The following LRRTM4 variants were observed in gnomAD, a reference collection of about 807,000 sequenced individuals.
LRRTM4 encodes the protein leucine rich repeat transmembrane neuronal 4.
LRRTM4 carries 25 observed loss-of-function variants against 47.6 expected under a neutral mutation model. That is an observed-to-expected ratio of 0.53 (90% CI 0.38 to 0.73). LRRTM4 has a LOEUF of 0.73. LRRTM4 is among the 30% of genes least tolerant of loss of function. The pLI is 0.00. For synonymous variants in LRRTM4, 311 were observed against 269.5 expected (o/e 1.15, Z -1.51); for missense variants, 638 against 713.4 (o/e 0.89, Z 1.20).
chr2:77,122,327 T>C (rs1339715492), intron 3 of LRRTM4, among the ~76,000 whole-genome samples: 1 of 151,546 alleles, frequency 6.6e-6, no homozygotes, highest in African/African-American at 2.4e-5. Flanking sequence ...GTTCTAATGT[T>C]ACATGATCCT....
At chr2:77,364,645 C>G (rs1435047320) in intron 3 of LRRTM4, among the ~76,000 whole-genome samples, 1 of 152,020 alleles carries the variant, frequency 6.6e-6, no homozygotes, top group East Asian at 1.9e-4. Flanking sequence ...TTTGCCTCAC[C>G]CTCTGTGAGT....
chr2:76,802,307 T>A (rs960685936), intron 3 of LRRTM4, among the ~76,000 whole-genome samples: 2 of 149,188 alleles, frequency 1.3e-5, no homozygotes, highest in African/African-American at 4.9e-5. Flanking sequence ...AATACACAAA[T>A]CTCTAGCATT....
At chr2:76,991,304 A>C (rs2103993279) in intron 3 of LRRTM4, among the ~76,000 whole-genome samples, 1 of 151,862 alleles carries the variant, frequency 6.6e-6, no homozygotes, top group South Asian at 2.1e-4. Context: ...TGAGAGTGTA[A>C]CTGAATGAAA....
Position 77,174,703 on chromosome 2 carries a change from T to A in LRRTM4, c.1551+343615A>T, listed in dbSNP as rs181744935. ...GGTACATGTGCACAACGTGCAGGTT[T>A]GTTACATATGTATACATGTGCCATG... On this transcript the variant is annotated intron_variant, in intron 3 of 3. Coordinates refer to ENST00000409884, the MANE Select transcript of LRRTM4 (RefSeq NM_001134745.3). 1.5e-4 allele frequency among the ~76,000 whole-genome samples: 23 copies of A among 152,226 alleles called. No homozygotes were observed. In the South Asian group the frequency reaches 1.7e-3, roughly 11 times the overall value.
chr2:76,771,634 G>A lies in LRRTM4; in HGVS notation c.1552-22718C>T, dbSNP rs149024586. Among the ~76,000 whole-genome samples the A allele has an allele frequency of 1.1e-3, 158 of 137,576 alleles. 2 individuals are homozygous for A. In the East Asian group the frequency reaches 0.033, roughly 29 times the overall value. The allele number at this position is 137,576 out of a possible 152,430, so 90.3% of individuals were successfully genotyped here. On this transcript the variant is annotated intron_variant, in intron 3 of 3. Transcript: ENST00000409884. ...GTGCTGTACCTCAAATTCTTGCCAGGTGAACAGAAAAAAAAAAAAAAAAGA... is the reference window on the plus strand; with the variant it reads ...GTGCTGTACCTCAAATTCTTGCCAGATGAACAGAAAAAAAAAAAAAAAAGA...
At chr2:77,318,000 C>CT (rs61212194) in intron 3 of LRRTM4, among the ~76,000 whole-genome samples, 15,616 of 99,778 alleles carry the variant, frequency 0.16, 2,372 homozygotes, top group African/African-American at 0.33. Flanking sequence ...ATTCCTAACA[C>CT]TTTTTTTTTT....
chr2:77,371,609 A>G (rs1173649728), intron 3 of LRRTM4, among the ~76,000 whole-genome samples: 1 of 151,762 alleles, frequency 6.6e-6, no homozygotes, highest in Non-Finnish European at 1.5e-5. Context: ...GAATGAAGTG[A>G]CCTTCTTCTT....
intron 3 of LRRTM4, among the ~76,000 whole-genome samples, chr2:77,452,802 G>A (rs1229448715): frequency 2.6e-5 from 4 of 152,050 alleles, no homozygotes; most frequent in African/African-American, 7.2e-5. Context: ...TAAAATGATG[G>A]CTTTTTTAGT....
chr2:77,503,779 T>C (rs995751678), intron 3 of LRRTM4, among the ~76,000 whole-genome samples: 2 of 151,792 alleles, frequency 1.3e-5, no homozygotes, highest in Middle Eastern at 3.4e-3. Context: ...TGAACCCATG[T>C]ACAGAAGTCA....
intron 3 of LRRTM4, among the ~76,000 whole-genome samples, chr2:77,466,213 CT>C (rs1270858880): frequency 6.6e-6 from 1 of 152,118 alleles, no homozygotes; most frequent in African/African-American, 2.4e-5. Flanking sequence ...ACAGCAAAGG[CT>C]TGTGAATTTA....
intron 3 of LRRTM4, among the ~76,000 whole-genome samples, chr2:77,474,864 T>G (rs1677325346): frequency 6.6e-6 from 1 of 152,110 alleles, no homozygotes; most frequent in South Asian, 2.1e-4. Context: ...AAATGACACA[T>G]GCCTTCGTAA....
chr2:76,799,693 C>T (rs1221663337), intron 3 of LRRTM4, among the ~76,000 whole-genome samples: 2 of 132,150 alleles, frequency 1.5e-5, no homozygotes, highest in South Asian at 2.7e-4. Flanking sequence ...GATTGTATAT[C>T]TAGAAAACCC....
intron 3 of LRRTM4, among the ~76,000 whole-genome samples, chr2:76,990,949 C>T (rs1437844816): frequency 6.6e-6 from 1 of 151,678 alleles, no homozygotes; most frequent in African/African-American, 2.4e-5. Flanking sequence ...ACCAACCACA[C>T]TCTTGAACCA....
chr2:76,762,322 A>G (rs968957754), intron 3 of LRRTM4, among the ~76,000 whole-genome samples: 1 of 152,182 alleles, frequency 6.6e-6, no homozygotes, highest in African/African-American at 2.4e-5. Flanking sequence ...GCCATCACCC[A>G]GAATATAAGC....
In LRRTM4 at chr2:76,770,300, C is replaced by T. The variant is rs971092743; in HGVS notation, c.1552-21384G>A. ...AACTCATACAAAATATTAGCTCCTT[C>T]GGTAAACTCATTTCTTAATAACAGT... is the stretch of plus-strand genomic sequence containing the variant. On this transcript the variant is annotated intron_variant, in intron 3 of 3. Transcript: ENST00000409884. Among the ~76,000 whole-genome samples, 13 of 152,258 alleles carry T rather than the reference C, an allele frequency of 8.5e-5. No homozygotes were observed. In the South Asian group the frequency reaches 1.5e-3, roughly 17 times the overall value.
At chr2:76,997,970 A>T (rs572809142) in intron 3 of LRRTM4, among the ~76,000 whole-genome samples, 2 of 152,124 alleles carry the variant, frequency 1.3e-5, no homozygotes, top group East Asian at 3.9e-4. Flanking sequence ...ACTGTCTCCC[A>T]TCACCCCAAG....
intron 3 of LRRTM4, among the ~76,000 whole-genome samples, chr2:77,398,143 A>G (rs1673775973): frequency 6.6e-6 from 1 of 151,878 alleles, no homozygotes; most frequent in Non-Finnish European, 1.5e-5. Flanking sequence ...AGTGCAAATA[A>G]TTCTCTCAAA....
chr2:77,481,763 A>C (rs995094960), intron 3 of LRRTM4, among the ~76,000 whole-genome samples: 5 of 152,226 alleles, frequency 3.3e-5, no homozygotes, highest in African/African-American at 4.8e-5. Flanking sequence ...CATAAAATAG[A>C]AAGTCCTTTT....
intron 3 of LRRTM4, among the ~76,000 whole-genome samples, chr2:77,012,241 T>C (rs1030525580): frequency 1.7e-4 from 26 of 152,230 alleles, no homozygotes; most frequent in Admixed American, 1.6e-3. Context: ...ACTGGAATAA[T>C]TCGTTAGAAA....
Sources: gnomAD v4.1 joint callset for allele counts (sites outside exome capture counted in the v4.1 genomes callset) on GRCh38, gnomAD v4.1.1 for gene constraint, MANE v1.5 for transcripts, NCBI Gene and HGNC (gene_info 2026-07-23, HGNC 2026-07-21) for gene names.